The following ARID1B variants were observed in gnomAD, a reference collection of about 807,000 sequenced individuals.
The protein encoded by ARID1B is AT-rich interactive domain-containing protein 1B.
A neutral mutation model predicts 212.3 loss-of-function variants in ARID1B; 30 were observed. That is an observed-to-expected ratio of 0.14 (90% CI 0.11 to 0.19). The LOEUF is 0.19. ARID1B is among the 10% of genes least tolerant of loss of function. The pLI, the probability that ARID1B is intolerant of heterozygous loss-of-function variation, is 1.00. For synonymous variants in ARID1B, 1,402 were observed against 1,301.7 expected, an observed-to-expected ratio of 1.08 and a Z score of -1.66; for missense variants, 2,891 against 3,204.0, an observed-to-expected ratio of 0.90 and a Z score of 2.36.
chr6:156,972,362 G>A (rs1183204252), intron 4 of ARID1B, among the ~76,000 whole-genome samples: 1 of 152,156 alleles, frequency 6.6e-6, no homozygotes, highest in Non-Finnish European at 1.5e-5. Flanking sequence ...GTGGTTGCAT[G>A]GTGGCACCTG....
At chr6:156,912,449 A>G (rs1357445373) in intron 3 of ARID1B, among the ~76,000 whole-genome samples, 1 of 152,028 alleles carries the variant, frequency 6.6e-6, no homozygotes, top group Non-Finnish European at 1.5e-5. Flanking sequence ...TGCCCACTCC[A>G]GGTGAGTGGG....
In ARID1B at chr6:157,145,579, T is replaced by C. The variant is rs142342474; in HGVS notation, c.2762-3045T>C. Among the ~76,000 whole-genome samples the C allele has an allele frequency of 5.9e-5, 9 of 152,182 alleles. No individual in the cohort carries two copies. In the East Asian group the frequency reaches 1.7e-3, roughly 29 times the overall value. ...GTAAATGTGGAGAAGTCTGCAGAGG[T>C]CTCTTGCAGATTTGTAGGTGATAGA... On this transcript the variant is annotated intron_variant, in intron 7 of 19. Coordinates refer to ENST00000636930, the MANE Select transcript of ARID1B (RefSeq NM_001374828.1).
chr6:157,201,307 G>A lies in ARID1B; in HGVS notation c.5082G>A (p.Lys1694=). 1 of 1,614,072 alleles carries A rather than the reference G, an allele frequency of 6.2e-7. No individual in the cohort carries two copies. The highest frequency in any genetic ancestry group is 1.7e-5 in the Admixed American group (1 of 60,020). The stretch of plus-strand genomic sequence containing the variant: ...TGGAGAACCGCATGTCTCCAAGCAA[G>A]TCTCCTTTTCTGCCGTCTATGAAGA... ...RSLENRMSPS[K]SPFLPSMKMQ... Residue 1694 remains lysine, a synonymous_variant, in exon 18 of 20, where the codon AAG becomes AAA. Transcript: ENST00000636930. This position sits in a 1 kb window ranked among gnomAD's most constrained non-coding sequence, Gnocchi z 5.2.
chr6:157,208,109 GT>G lies in ARID1B; in HGVS notation c.*228del, dbSNP rs370046956. 2.1e-3 allele frequency: 929 copies of G among 445,748 alleles called. 4 individuals are homozygous for G. Among genetic ancestry groups the G allele is most frequent in the African/African-American group, 0.013 (627 of 48,234 alleles). 27.6% of individuals were successfully genotyped at this position (445,748 alleles called of 1,614,324 possible). ...TGTGTGTATAAGTACATCCTTTGGG[GT>G]TTTTTTTTTCTCTTTTTTTTAACCA... On this transcript the variant is annotated 3_prime_UTR_variant, in exon 20 of 20. Transcript: ENST00000636930.
At position 156,945,233 on chromosome 6, in the gene ARID1B, C is replaced by CTTTTTTTTT. The variant is rs1164805779; in HGVS notation, c.2247+9684_2247+9692dup. 7.7e-4 allele frequency among the ~76,000 whole-genome samples: 25 copies of CTTTTTTTTT among 32,662 alleles called. 4 individuals carry two copies. The highest frequency in any genetic ancestry group is 1.1e-3 in the Admixed American group (2 of 1,900). 21.4% of individuals were successfully genotyped at this position (32,662 alleles called of 152,430 possible). A position where few individuals can be genotyped will look rare whatever the true frequency, so the allele number is the denominator to read the frequency against. On this transcript the variant is annotated intron_variant, in intron 4 of 19. Transcript: ENST00000636930. ...GACCGGTGTGAGCCCCCGCATCCGG[C>CTTTTTTTTT]TTTTTTTTTTTTTTTTTTTTTTTTT... is the stretch of plus-strand genomic sequence containing the variant.
In ARID1B at chr6:157,207,961, T is replaced by G; in HGVS notation, c.*70T>G. The G allele has an allele frequency of 1.4e-6, 2 of 1,403,006 alleles. No homozygotes were observed. Among genetic ancestry groups the G allele is most frequent in the Non-Finnish European group, 1.9e-6 (2 of 1,074,228 alleles). The allele number at this position is 1,403,006 out of a possible 1,614,324, so 86.9% of individuals were successfully genotyped here. ...ACATATAACTGGCTGTTTTCTGTTC[T>G]TGTTTATCCAGCGTAGGAAGAAGGA... On this transcript the variant is annotated 3_prime_UTR_variant, in exon 20 of 20. Transcript: ENST00000636930. The surrounding 1 kb of genome is among the most constrained non-coding windows in gnomAD (Gnocchi z 8.5).
chr6:156,907,939 T>G (rs1415511842), intron 3 of ARID1B, among the ~76,000 whole-genome samples: 3 of 148,898 alleles, frequency 2.0e-5, no homozygotes, highest in Non-Finnish European at 3.0e-5. Context: ...TGAAGATGAG[T>G]CCCTTTTTTA....
chr6:157,137,309 C>T (rs948162628), intron 7 of ARID1B, among the ~76,000 whole-genome samples: 4 of 152,124 alleles, frequency 2.6e-5, no homozygotes. Flanking sequence ...TACTTAATTA[C>T]AGTATATTTT....
intron 4 of ARID1B, among the ~76,000 whole-genome samples, chr6:156,963,069 A>C (rs559907648): frequency 9.2e-5 from 14 of 152,292 alleles, no homozygotes; most frequent in African/African-American, 3.1e-4. Context: ...GGTGTGAGCC[A>C]CCGCGCCCGG....
At position 156,778,847 on chromosome 6, in the gene ARID1B, GGGCGGCGGC is replaced by G. The variant is rs587779747; in HGVS notation, c.1185_1193del (p.Gly400_Gly402del). 2,790 of 1,403,448 alleles carry G rather than the reference GGGCGGCGGC, an allele frequency of 2.0e-3. 10 individuals carry two copies. Among genetic ancestry groups the G allele is most frequent in the East Asian group, 7.2e-3 (233 of 32,468 alleles). The allele number at this position is 1,403,448 out of a possible 1,614,324, so 86.9% of individuals were successfully genotyped here. On this transcript the variant is annotated inframe_deletion, in exon 1 of 20. Transcript: ENST00000636930. ...ATCCGGGCTACAGCCGGCCCGGCGCGGGCGGCGGCGGCGGCGGCGGCGGCGGAGGAGGAG... is the reference window on the plus strand; with the variant it reads ...ATCCGGGCTACAGCCGGCCCGGCGCGGGCGGCGGCGGCGGCGGAGGAGGAG...
chr6:157,147,238 T>A (rs1372290177), intron 7 of ARID1B, among the ~76,000 whole-genome samples: 2 of 140 alleles, frequency 0.014, no homozygotes, highest in African/African-American at 0.025. Flanking sequence ...CCTCCGACCC[T>A]GCCGTCCGTC....
rs550664728 is a variant in ARID1B, at chr6:157,127,777, C to CT, written c.2582-5250dup. 2.7e-4 allele frequency among the ~76,000 whole-genome samples: 28 copies of CT among 104,326 alleles called. 1 individual carries two copies. The South Asian group carries it at 0.01, about 37-fold the overall frequency. The allele number at this position is 104,326 out of a possible 152,430, so 68.4% of individuals were successfully genotyped here. A position where few individuals can be genotyped will look rare whatever the true frequency, so the allele number is the denominator to read the frequency against. ...CCAGCCTGGGTGACAGAGTGAGACTCTGTCTCAAAAAAAAAAAAAAAAAAA... is the reference window on the plus strand; with the variant it reads ...CCAGCCTGGGTGACAGAGTGAGACTCTTGTCTCAAAAAAAAAAAAAAAAAAA... On this transcript the variant is annotated intron_variant, in intron 6 of 19. Coordinates refer to ENST00000636930, the MANE Select transcript of ARID1B (RefSeq NM_001374828.1).
In ARID1B at chr6:156,955,386, C is replaced by G. The variant is rs959783763; in HGVS notation, c.2247+19810C>G. On this transcript the variant is annotated intron_variant, in intron 4 of 19. Coordinates refer to ENST00000636930, the MANE Select transcript of ARID1B (RefSeq NM_001374828.1). The surrounding 1 kb of genome is among the most constrained non-coding windows in gnomAD (Gnocchi z 4.2). ...CATACATTACATATTAACCACAATC[C>G]TGTCCTAGAGACTTTATCTGAGGCT... is the stretch of plus-strand genomic sequence containing the variant. 1.3e-5 allele frequency among the ~76,000 whole-genome samples: 2 copies of G among 152,200 alleles called. No individual in the cohort carries two copies. Among genetic ancestry groups the G allele is most frequent in the African/African-American group, 4.8e-5 (2 of 41,438 alleles).
At chr6:156,785,259 C>T (rs985630659) in intron 1 of ARID1B, among the ~76,000 whole-genome samples, 2 of 152,210 alleles carry the variant, frequency 1.3e-5, no homozygotes, top group Non-Finnish European at 2.9e-5. Context: ...TGAATAGCTA[C>T]TCTTATTTCC....
chr6:157,204,514 C>G (rs1166090140), intron 19 of ARID1B: 1 of 152,480 alleles, frequency 6.6e-6, no homozygotes, highest in South Asian at 2.1e-4. Context: ...TAATGAACCC[C>G]CATGTACCTG....
At chr6:156,933,012 G>A (rs1289652110) in intron 3 of ARID1B, among the ~76,000 whole-genome samples, 1 of 152,098 alleles carries the variant, frequency 6.6e-6, no homozygotes, top group East Asian at 1.9e-4. Flanking sequence ...TGAAATATAA[G>A]GCCACAATAC....
intron 4 of ARID1B, among the ~76,000 whole-genome samples, chr6:157,069,879 A>G (rs1783903096): frequency 6.6e-6 from 1 of 152,236 alleles, no homozygotes; most frequent in African/African-American, 2.4e-5. Flanking sequence ...ATGAAGCGGC[A>G]TTCCAGCGTC....
At chr6:157,035,143 G>C (rs1459207755) in intron 4 of ARID1B, among the ~76,000 whole-genome samples, 1 of 152,120 alleles carries the variant, frequency 6.6e-6, no homozygotes, top group Non-Finnish European at 1.5e-5. Flanking sequence ...TCTTTAAATA[G>C]AGCTCTATTT....
intron 4 of ARID1B, among the ~76,000 whole-genome samples, chr6:156,981,073 G>C (rs990423668): frequency 1.3e-5 from 2 of 152,190 alleles, no homozygotes; most frequent in African/African-American, 4.8e-5. Context: ...AACTGGAAAG[G>C]TATTTCATTT....
Sources: allele counts gnomAD v4.1 joint callset (sites outside exome capture counted in the v4.1 genomes callset), GRCh38; gene constraint gnomAD v4.1.1; non-coding constraint Gnocchi (gnomAD v3.1); transcripts MANE v1.5; gene names NCBI Gene and HGNC (gene_info 2026-07-23, HGNC 2026-07-21).